GALNT12: variants seen among roughly 807,000 people sequenced by gnomAD.
The protein encoded by GALNT12 is UDP-GalNAc:polypeptide N-acetylgalactosaminyltransferase 12.
A neutral mutation model predicts 55.5 loss-of-function variants in GALNT12; 45 were observed. The observed-to-expected ratio is 0.81, with a 90% CI of 0.64 to 1.04. The LOEUF is 1.04. Ranked by LOEUF, GALNT12 falls within the 50% of genes least tolerant of loss-of-function variation. The probability of loss-of-function intolerance (pLI) is 0.00; values close to 1 mark genes in which losing one functional copy is unlikely to be tolerated. For missense variants in GALNT12, 709 were observed against 754.8 expected, an observed-to-expected ratio of 0.94 and a Z score of 0.71; for synonymous variants, 304 against 312.2, an observed-to-expected ratio of 0.97 and a Z score of 0.28.
chr9:98,810,375 GT>G lies in GALNT12; in HGVS notation c.371+2308del, dbSNP rs1835468789. Reference sequence around the variant, plus strand: ...GAGCCACAGTCCATATCTGTTACTCGTTCCTCCCTTTTTGGGTGGGGATGAT... The same window carrying G: ...GAGCCACAGTCCATATCTGTTACTCGTCCTCCCTTTTTGGGTGGGGATGAT... On this transcript the variant is annotated intron_variant, in intron 1 of 9. Transcript: ENST00000375011. Among the ~76,000 whole-genome samples the G allele has an allele frequency of 2.6e-5, 4 of 152,210 alleles. No individual in the cohort carries two copies. In the South Asian group the frequency reaches 8.3e-4, roughly 32 times the overall value.
intron 1 of GALNT12, among the ~76,000 whole-genome samples, chr9:98,820,459 G>A (rs1003975236): frequency 2.0e-5 from 3 of 152,116 alleles, no homozygotes; most frequent in African/African-American, 7.2e-5. Context: ...GCATTCCGTG[G>A]TCTACATATA....
chr9:98,831,642 A>T, intron 3 of GALNT12, 130 bp from the exon 4 acceptor site: 1 of 1,049,760 alleles, frequency 9.5e-7, no homozygotes, highest in Non-Finnish European at 1.4e-6. Context: ...GGAATAAGAG[A>T]AGCAGGTCTT....
At position 98,831,958 on chromosome 9, in the gene GALNT12, G is replaced by A; in HGVS notation, c.917+1G>A. 1 of 1,612,904 alleles carries A rather than the reference G, an allele frequency of 6.2e-7. No individual in the cohort carries two copies. The highest frequency in any genetic ancestry group is 8.5e-7 in the Non-Finnish European group (1 of 1,179,148). ...TGCAATCCCCCGTCGATGTCATCAGGTCAGGAGCTGACTTCTGGGTGACTT... is the reference window on the plus strand; with the variant it reads ...TGCAATCCCCCGTCGATGTCATCAGATCAGGAGCTGACTTCTGGGTGACTT... On this transcript the variant is annotated splice_donor_variant, in intron 4 of 9. Coordinates refer to ENST00000375011, the MANE Select transcript of GALNT12 (RefSeq NM_024642.5). LOFTEE classifies it high-confidence loss of function.
intron 9 of GALNT12, chr9:98,847,175 G>A (rs1173822710): frequency 6.6e-6 from 1 of 152,030 alleles, no homozygotes; most frequent in African/African-American, 2.4e-5. Context: ...AAAATCATTT[G>A]AAAGAAAAAA....
chr9:98,839,733 G>T (rs1836241060), intron 6 of GALNT12, among the ~76,000 whole-genome samples: 1 of 152,180 alleles, frequency 6.6e-6, no homozygotes, highest in South Asian at 2.1e-4. Context: ...TCAGCAGGCG[G>T]GTTGTCCTCT....
intron 4 of GALNT12, among the ~76,000 whole-genome samples, chr9:98,832,448 G>A (rs1836023478): frequency 6.6e-6 from 1 of 152,176 alleles, no homozygotes; most frequent in African/African-American, 2.4e-5. Flanking sequence ...GAGTCAAGGA[G>A]TTCAAGGCTT....
chr9:98,808,156 G>T, intron 1 of GALNT12, 87 bp downstream of exon 1: 1 of 1,084,534 alleles, frequency 9.2e-7, no homozygotes, highest in Non-Finnish European at 1.3e-6. Context: ...GCGGGGAGCT[G>T]GGGTCTCCAG....
chr9:98,827,936 A>G (rs986638911), intron 3 of GALNT12, among the ~76,000 whole-genome samples: 1 of 151,978 alleles, frequency 6.6e-6, no homozygotes, highest in Non-Finnish European at 1.5e-5. Context: ...GCCACCATCT[A>G]CTGGGGCCCA....
chr9:98,838,369 A>G (rs984677121), intron 6 of GALNT12, among the ~76,000 whole-genome samples: 16 of 152,062 alleles, frequency 1.1e-4, no homozygotes, highest in South Asian at 4.2e-4. Flanking sequence ...TCTCTGACCA[A>G]TGGTGAAGGT....
intron 3 of GALNT12, 44 bp downstream of exon 3, chr9:98,826,985 A>T (rs1224630720): frequency 6.5e-7 from 1 of 1,530,648 alleles, no homozygotes; most frequent in African/African-American, 1.4e-5. Flanking sequence ...TGTTACCTGG[A>T]GTAGGTAGCA....
chr9:98,825,702 C>A (rs572929817), intron 2 of GALNT12, among the ~76,000 whole-genome samples: 1 of 152,074 alleles, frequency 6.6e-6, no homozygotes, highest in East Asian at 1.9e-4. Context: ...TGGCTGGGTG[C>A]GGTGGCTCAT....
chr9:98,822,500 T>A (rs1334426001), intron 1 of GALNT12, among the ~76,000 whole-genome samples: 1 of 152,180 alleles, frequency 6.6e-6, no homozygotes. Context: ...TTGGGTGGGC[T>A]CAGCCCCACC....
At chr9:98,833,796 G>C (rs1836063387) in intron 4 of GALNT12, among the ~76,000 whole-genome samples, 1 of 152,082 alleles carries the variant, frequency 6.6e-6, no homozygotes, top group South Asian at 2.1e-4. Context: ...AGGCTACTTA[G>C]GCAGCCTGTC....
intron 7 of GALNT12, among the ~76,000 whole-genome samples, chr9:98,843,001 G>T (rs1836330445): frequency 6.6e-6 from 1 of 152,098 alleles, no homozygotes. Context: ...CAAGTGTCCA[G>T]TAGCCACAGT....
In GALNT12 at chr9:98,831,858, A is replaced by G. The variant is rs1216217660; in HGVS notation, c.818A>G (p.Glu273Gly). The G allele has an allele frequency of 6.2e-7, 1 of 1,614,024 alleles. No individual in the cohort carries two copies. The highest frequency in any genetic ancestry group is 8.5e-7 in the Non-Finnish European group (1 of 1,180,050). Reference sequence around the variant, plus strand: ...TTCGAATACCTGGGGAACTCCGGGGAGCCCCAGATCGGCGGTTTCGACTGG... The same window carrying G: ...TTCGAATACCTGGGGAACTCCGGGGGGCCCCAGATCGGCGGTTTCGACTGG... ...NTFEYLGNSG[E>G]PQIGGFDWRL... Residue 273 changes from glutamate (E) to glycine (G), a missense_variant, in exon 4 of 10, where the codon GAG becomes GGG. By Grantham distance (98) the Glu-to-Gly change is moderately conservative (BLOSUM62 -2). Transcript: ENST00000375011.
rs141189260 is a variant in GALNT12 at position 98,848,660 on chromosome 9, G to A, written c.1606-292G>A. 589 of 447,854 alleles carry A rather than the reference G, an allele frequency of 1.3e-3. 12 individuals carry two copies. The East Asian group carries it at 0.025, about 19-fold the overall frequency. The allele number at this position is 447,854 out of a possible 1,614,324, so 27.7% of individuals were successfully genotyped here. On this transcript the variant is annotated intron_variant, in intron 9 of 9. Coordinates refer to ENST00000375011, the MANE Select transcript of GALNT12 (RefSeq NM_024642.5). Reference sequence around the variant, plus strand: ...AGATAAACAAAGGATCTTTGTTCCTGATTTCCCTGAAGGAAGCCAAATGCA... The same window carrying A: ...AGATAAACAAAGGATCTTTGTTCCTAATTTCCCTGAAGGAAGCCAAATGCA...
intron 1 of GALNT12, among the ~76,000 whole-genome samples, chr9:98,818,438 T>C (rs1171820592): frequency 2.6e-5 from 4 of 152,168 alleles, no homozygotes; most frequent in African/African-American, 9.7e-5. Flanking sequence ...TTGGTCAGGC[T>C]TGTCTCGAAC....
chr9:98,827,276 C>G (rs939379279), intron 3 of GALNT12, among the ~76,000 whole-genome samples: 8 of 151,744 alleles, frequency 5.3e-5, no homozygotes, highest in Non-Finnish European at 8.8e-5. Flanking sequence ...ACCGCACCCT[C>G]TGCCTCCCGG....
rs572929817 is a variant in GALNT12, at chr9:98,825,702, C to T, written c.542-1050C>T. 1.3e-4 allele frequency among the ~76,000 whole-genome samples: 20 copies of T among 152,192 alleles called. No homozygotes were observed. The South Asian group carries it at 2.3e-3, about 17-fold the overall frequency. ...ATTTTTTTAAAAAATTGGCTGGGTG[C>T]GGTGGCTCATGCCTGTAATTCCAGC... On this transcript the variant is annotated intron_variant, in intron 2 of 9. Transcript: ENST00000375011.
Sources: allele counts gnomAD v4.1 joint callset (sites outside exome capture counted in the v4.1 genomes callset), GRCh38; gene constraint gnomAD v4.1.1; transcripts MANE v1.5; gene names NCBI Gene and HGNC (gene_info 2026-07-23, HGNC 2026-07-21).